The following GLP1R variants were observed in gnomAD, a reference collection of about 807,000 sequenced individuals.
GLP1R encodes the protein glucagon-like peptide 1 receptor.
A neutral mutation model predicts 68.4 loss-of-function variants in GLP1R; 32 were observed. That is an observed-to-expected ratio of 0.47 (90% CI 0.35 to 0.63). The LOEUF is 0.63. GLP1R is among the 20% of genes least tolerant of loss of function. The pLI, the probability that GLP1R is intolerant of heterozygous loss-of-function variation, is 0.00. For synonymous variants in GLP1R, 263 were observed against 244.4 expected (o/e 1.08, Z -0.71); for missense variants, 502 against 594.9 (o/e 0.84, Z 1.62).
At chr6:39,076,321 A>G (rs1328892850) in intron 7 of GLP1R, among the ~76,000 whole-genome samples, 4 of 152,160 alleles carry the variant, frequency 2.6e-5, no homozygotes, top group African/African-American at 9.7e-5. Context: ...GGCCTGTACC[A>G]TGTGCTGGGG....
intron 7 of GLP1R, among the ~76,000 whole-genome samples, chr6:39,077,257 C>A (rs1254450679): frequency 3.3e-5 from 5 of 152,232 alleles, no homozygotes. Flanking sequence ...CCCTGCTGTC[C>A]CTTCTCTCTG....
chr6:39,050,174 C>A (rs1414408296), intron 1 of GLP1R, among the ~76,000 whole-genome samples: 1 of 152,186 alleles, frequency 6.6e-6, no homozygotes, highest in Non-Finnish European at 1.5e-5. Flanking sequence ...ACAACCTCCC[C>A]CTTCCAAGAC....
intron 2 of GLP1R, among the ~76,000 whole-genome samples, chr6:39,057,010 C>T (rs533748108): frequency 9.9e-5 from 15 of 152,234 alleles, no homozygotes; most frequent in Middle Eastern, 3.4e-3. Context: ...GATTGGAGCC[C>T]GCTGGGCCTA....
chr6:39,066,233 A>G lies in GLP1R; in HGVS notation c.439A>G (p.Ile147Val), dbSNP rs768143333. The G allele has an allele frequency of 2.9e-5, 46 of 1,612,388 alleles. No individual in the cohort carries two copies. The highest frequency in any genetic ancestry group is 3.7e-5 in the Non-Finnish European group (44 of 1,178,680). Residue 147 changes from isoleucine (I) to valine (V), a missense_variant, in exon 5 of 13, where the codon ATC becomes GTC. Coordinates refer to ENST00000373256, the MANE Select transcript of GLP1R (RefSeq NM_002062.5). The stretch of plus-strand genomic sequence containing the variant: ...GGAGCAGCTCCTGTTCCTCTACATC[A>G]TCTACACGGTGGGCTACGCACTCTC... ...PEEQLLFLYI[I>V]YTVGYALSFS...
intron 8 of GLP1R, 144 bp downstream of exon 8, chr6:39,078,526 C>G: frequency 1.5e-6 from 1 of 689,126 alleles, no homozygotes; most frequent in Non-Finnish European, 2.6e-6. Flanking sequence ...GTTCTCTAAT[C>G]TCCCCTCCCT....
At chr6:39,071,690 T>C (rs1768671621) in intron 5 of GLP1R, among the ~76,000 whole-genome samples, 1 of 152,160 alleles carries the variant, frequency 6.6e-6, no homozygotes, top group Admixed American at 6.5e-5. Context: ...CCGGATACCA[T>C]GGTGCCTTAG....
At chr6:39,073,517 G>A in intron 6 of GLP1R, 93 bp from the exon 7 acceptor site, 1 of 1,080,868 alleles carries the variant, frequency 9.3e-7, no homozygotes, top group South Asian at 1.4e-5. Context: ...CATTAACCAT[G>A]GCAGGATAGT....
intron 1 of GLP1R, among the ~76,000 whole-genome samples, chr6:39,054,916 G>T (rs752839955): frequency 6.6e-6 from 1 of 152,218 alleles, no homozygotes; most frequent in African/African-American, 2.4e-5. Flanking sequence ...CTCAGCTGTG[G>T]CTAATATCAT....
In GLP1R at chr6:39,091,011, T is replaced by C. The variant is rs1223085677; in HGVS notation, c.*4938T>C. 3.9e-5 allele frequency among the ~76,000 whole-genome samples: 6 copies of C among 152,174 alleles called. No individual in the cohort carries two copies. Among genetic ancestry groups the C allele is most frequent in the African/African-American group, 1.4e-4 (6 of 41,440 alleles). ...ACCAACTCCAGCATCCCATCGGTTC[T>C]GGAGGGATTTGATGCAAACCTTTAA... On this transcript the variant is annotated 3_prime_UTR_variant, in exon 13 of 13. Transcript: ENST00000373256.
intron 12 of GLP1R, among the ~76,000 whole-genome samples, chr6:39,085,515 A>G (rs1299445886): frequency 6.6e-6 from 1 of 152,180 alleles, no homozygotes; most frequent in Non-Finnish European, 1.5e-5. Context: ...TCAAGCATCC[A>G]AGCTGAAACT....
rs1215523244 is a variant in GLP1R at position 39,089,157 on chromosome 6, C to T, written c.*3084C>T. ...AAGGATGTGCTTTCCTATTTTTACACTGGTACTTCATTCATCCTTGTCTTA... is the reference window on the plus strand; with the variant it reads ...AAGGATGTGCTTTCCTATTTTTACATTGGTACTTCATTCATCCTTGTCTTA... On this transcript the variant is annotated 3_prime_UTR_variant, in exon 13 of 13. Coordinates refer to ENST00000373256, the MANE Select transcript of GLP1R (RefSeq NM_002062.5). This position sits in a 1 kb window ranked among gnomAD's most constrained non-coding sequence, Gnocchi z 4.1. 6.6e-6 allele frequency among the ~76,000 whole-genome samples: 1 copy of T among 152,168 alleles called. No homozygotes were observed. The highest frequency in any genetic ancestry group is 1.5e-5 in the Non-Finnish European group (1 of 68,046).
intron 3 of GLP1R, among the ~76,000 whole-genome samples, chr6:39,062,476 C>A (rs1049235491): frequency 6.6e-6 from 1 of 152,210 alleles, no homozygotes; most frequent in Non-Finnish European, 1.5e-5. Flanking sequence ...GCTCACTGAG[C>A]GAGGGACACA....
intron 3 of GLP1R, among the ~76,000 whole-genome samples, chr6:39,058,224 T>A (rs953167692): frequency 1.3e-5 from 2 of 152,190 alleles, no homozygotes; most frequent in Admixed American, 1.3e-4. Context: ...ACCCAGGGTG[T>A]CTGCTGTGTG....
chr6:39,066,115 T>C, intron 4 of GLP1R, 82 bp from the exon 5 acceptor site: 1 of 805,624 alleles, frequency 1.2e-6, no homozygotes, highest in Non-Finnish European at 2.1e-6. Flanking sequence ...GCCCCAGCTC[T>C]GTCTCTGTGC....
At chr6:39,078,259 G>C in intron 7 of GLP1R, 63 bp from the exon 8 acceptor site, 2 of 1,182,970 alleles carry the variant, frequency 1.7e-6, no homozygotes, top group Admixed American at 3.4e-5. Context: ...AGAGGCCTCG[G>C]CATGTAGACT....
intron 12 of GLP1R, among the ~76,000 whole-genome samples, chr6:39,083,863 G>C (rs1192366160): frequency 6.6e-6 from 1 of 152,188 alleles, no homozygotes; most frequent in East Asian, 1.9e-4. Flanking sequence ...TGTTGTCTTT[G>C]TGGGTTCATT....
chr6:39,069,595 GC>G (rs1278299025), intron 5 of GLP1R, among the ~76,000 whole-genome samples: 2 of 149,502 alleles, frequency 1.3e-5, no homozygotes, highest in Non-Finnish European at 3.0e-5. Flanking sequence ...CAGAGATCGT[GC>G]CACTGCACTC....
chr6:39,073,437 ATTCAAT>A (rs1768726925), intron 6 of GLP1R, among the ~76,000 whole-genome samples, 167 bp from the exon 7 acceptor site: 1 of 152,162 alleles, frequency 6.6e-6, no homozygotes, highest in African/African-American at 2.4e-5. Context: ...GATAGTGAGG[ATTCAAT>A]GAGCTAAAGC....
chr6:39,077,399 C>T (rs751318440), intron 7 of GLP1R, among the ~76,000 whole-genome samples: 4 of 152,192 alleles, frequency 2.6e-5, no homozygotes, highest in Admixed American at 6.5e-5. Flanking sequence ...GGCAGGAAGC[C>T]GCAGTTGCTG....
Sources: allele counts gnomAD v4.1 joint callset (sites outside exome capture counted in the v4.1 genomes callset), GRCh38; gene constraint gnomAD v4.1.1; non-coding constraint Gnocchi (gnomAD v3.1); transcripts MANE v1.5; gene names NCBI Gene and HGNC (gene_info 2026-07-23, HGNC 2026-07-21).